The following STAT5B variants were observed in gnomAD, a reference collection of about 807,000 sequenced individuals.
STAT5B encodes the protein transcription factor STAT5B.
A neutral mutation model predicts 107.8 loss-of-function variants in STAT5B; 21 were observed. The observed-to-expected ratio is 0.19, with a 90% CI of 0.14 to 0.28. The LOEUF (loss-of-function observed/expected upper bound fraction) is 0.28. STAT5B is among the 10% of genes least tolerant of loss of function. The probability of loss-of-function intolerance (pLI) is 1.00; values close to 1 mark genes in which losing one functional copy is unlikely to be tolerated. For synonymous variants in STAT5B, 325 were observed against 401.7 expected (o/e 0.81, Z 2.28); for missense variants, 565 against 1,008.2 (o/e 0.56, Z 5.95).
intron 18 of STAT5B, 72 bp downstream of exon 18, chr17:42,202,268 C>T (rs760954156): frequency 6.5e-5 from 102 of 1,563,614 alleles, no homozygotes; most frequent in Non-Finnish European, 8.8e-5. Context: ...TTGACCCCAG[C>T]CCTCCAGGGG....
At chr17:42,258,552 G>C (rs182601704) in intron 1 of STAT5B, among the ~76,000 whole-genome samples, 21 of 152,338 alleles carry the variant, frequency 1.4e-4, no homozygotes, top group Middle Eastern at 6.8e-3. Context: ...GGTGGAACTT[G>C]CCTGTAATCC....
chr17:42,223,809 G>A (rs959912649), intron 4 of STAT5B, among the ~76,000 whole-genome samples: 4 of 152,138 alleles, frequency 2.6e-5, no homozygotes, highest in South Asian at 2.1e-4. Context: ...CTCCACCAGA[G>A]TATTCCAAAC....
chr17:42,201,878 G>GAAGAGGGATGA lies in STAT5B; in HGVS notation c.2238-25_2238-15dup. The stretch of plus-strand genomic sequence containing the variant: ...ACTGAGTCAGGGCTTGGGAGGGAAA[G>GAAGAGGGATGA]AAGAGGGATGAAGGGAAGGGGAAAG... On this transcript the variant is annotated splice_polypyrimidine_tract_variant and intron_variant, in intron 18 of 18. Coordinates refer to ENST00000293328, the MANE Select transcript of STAT5B (RefSeq NM_012448.4). 9.9e-6 allele frequency: 16 copies of GAAGAGGGATGA among 1,613,140 alleles called. No homozygotes were observed. Among genetic ancestry groups the GAAGAGGGATGA allele is most frequent in the Non-Finnish European group, 1.4e-5 (16 of 1,179,544 alleles).
chr17:42,209,498 G>C (rs2080112152), intron 15 of STAT5B, among the ~76,000 whole-genome samples: 1 of 152,210 alleles, frequency 6.6e-6, no homozygotes, highest in South Asian at 2.1e-4. Flanking sequence ...AGCCAAAGTG[G>C]GGGATTGTTT....
At chr17:42,256,271 G>A (rs2080543364) in intron 1 of STAT5B, among the ~76,000 whole-genome samples, 1 of 151,842 alleles carries the variant, frequency 6.6e-6, no homozygotes, top group Non-Finnish European at 1.5e-5. Flanking sequence ...TTTTGAGACA[G>A]CGTCTCACTC....
intron 1 of STAT5B, chr17:42,272,420 T>G (rs2080728538): frequency 6.6e-6 from 1 of 152,224 alleles, no homozygotes; most frequent in African/African-American, 2.4e-5. Context: ...AACTCTATCT[T>G]AGTGCTATAC....
intron 1 of STAT5B, among the ~76,000 whole-genome samples, chr17:42,258,922 T>G (rs1028661706): frequency 2.7e-4 from 41 of 152,140 alleles, no homozygotes; most frequent in African/African-American, 9.2e-4. Flanking sequence ...TGGGGGGAAC[T>G]CTCTTTTGAA....
chr17:42,223,101 G>T (rs2080244090), intron 5 of STAT5B, among the ~76,000 whole-genome samples: 1 of 152,130 alleles, frequency 6.6e-6, no homozygotes, highest in Non-Finnish European at 1.5e-5. Context: ...TTTAGACTGT[G>T]AGCTCCTTCT....
At chr17:42,279,307 C>T (rs2144459058), upstream of STAT5B, among the ~76,000 whole-genome samples, 1 of 152,290 alleles carries the variant, frequency 6.6e-6, no homozygotes, top group African/African-American at 2.4e-5. Flanking sequence ...GAGACAGTAC[C>T]TACCTCATCG....
intron 1 of STAT5B, among the ~76,000 whole-genome samples, chr17:42,243,160 A>G (rs1400018491): frequency 1.3e-5 from 2 of 150,082 alleles, no homozygotes; most frequent in Non-Finnish European, 2.9e-5. Context: ...TTTAAAAAAT[A>G]TATGTGTTTA....
chr17:42,219,901 G>A, intron 5 of STAT5B, 59 bp from the exon 6 acceptor site: 4 of 1,612,768 alleles, frequency 2.5e-6, no homozygotes, highest in Non-Finnish European at 3.4e-6. Flanking sequence ...AGGAGGCCCA[G>A]AGAAGCCCAC....
At chr17:42,205,845 A>G (rs8078937) in intron 16 of STAT5B, among the ~76,000 whole-genome samples, 1 of 152,010 alleles carries the variant, frequency 6.6e-6, no homozygotes, top group Admixed American at 6.6e-5. Context: ...GCAGTTTGAG[A>G]CTGCAGTGAG....
chr17:42,262,392 C>T (rs776557371), intron 1 of STAT5B, among the ~76,000 whole-genome samples: 2 of 152,118 alleles, frequency 1.3e-5, no homozygotes, highest in East Asian at 3.8e-4. Flanking sequence ...CTTTTAAACA[C>T]TAATTCTAGT....
intron 1 of STAT5B, among the ~76,000 whole-genome samples, chr17:42,247,997 G>GCC (rs2080466187): frequency 6.6e-6 from 1 of 151,716 alleles, no homozygotes; most frequent in Non-Finnish European, 1.5e-5. Flanking sequence ...ATAATTCTGG[G>GCC]CCAGGCACAG....
intron 18 of STAT5B, 107 bp from the exon 19 acceptor site, chr17:42,201,971 G>T: frequency 1.9e-6 from 2 of 1,059,460 alleles, no homozygotes; most frequent in Non-Finnish European, 2.8e-6. Flanking sequence ...TATGCCCTCA[G>T]CCTGGGGCTT....
chr17:42,205,688 T>C lies in STAT5B; in HGVS notation c.2077+1870A>G, dbSNP rs1212155059. The stretch of plus-strand genomic sequence containing the variant: ...ACCTTGGGGGACTGAGGAAGGAACA[T>C]TGCTTGAGCCCAGGAATTTGAGACC... On this transcript the variant is annotated intron_variant, in intron 16 of 18. Coordinates refer to ENST00000293328, the MANE Select transcript of STAT5B (RefSeq NM_012448.4). 2.6e-5 allele frequency among the ~76,000 whole-genome samples: 4 copies of C among 152,148 alleles called. No homozygotes were observed. The South Asian group carries it at 6.2e-4, about 24-fold the overall frequency.
intron 15 of STAT5B, among the ~76,000 whole-genome samples, chr17:42,208,590 G>A (rs750265497): frequency 3.9e-5 from 6 of 152,060 alleles, no homozygotes; most frequent in Admixed American, 6.6e-5. Context: ...GATCTCAGAC[G>A]TTTCAAGTTC....
At chr17:42,254,258 T>C (rs1476154180) in intron 1 of STAT5B, among the ~76,000 whole-genome samples, 1 of 152,242 alleles carries the variant, frequency 6.6e-6, no homozygotes, top group Admixed American at 6.5e-5. Flanking sequence ...TATGTACCTG[T>C]AATCCTAGCT....
intron 1 of STAT5B, among the ~76,000 whole-genome samples, chr17:42,241,975 A>G (rs1466476387): frequency 6.6e-6 from 1 of 152,136 alleles, no homozygotes; most frequent in Non-Finnish European, 1.5e-5. Flanking sequence ...ATGGGAAGAG[A>G]ACAGAAAGAA....
Sources: gnomAD v4.1 joint callset for allele counts (sites outside exome capture counted in the v4.1 genomes callset) on GRCh38, gnomAD v4.1.1 for gene constraint, MANE v1.5 for transcripts, NCBI Gene and HGNC (gene_info 2026-07-23, HGNC 2026-07-21) for gene names.